The following SNTG1 variants were observed in gnomAD, a reference collection of about 807,000 sequenced individuals.
SNTG1 encodes the protein gamma-1-syntrophin.
In SNTG1, 39 loss-of-function variants were observed where a neutral mutation model predicts 74.7. That is an observed-to-expected ratio of 0.52 (90% CI 0.40 to 0.68). The LOEUF (loss-of-function observed/expected upper bound fraction) is 0.68. Ranked by LOEUF, SNTG1 falls within the 30% of genes least tolerant of loss-of-function variation. The pLI is 0.00. For synonymous variants in SNTG1, 254 were observed against 217.1 expected, an observed-to-expected ratio of 1.17 and a Z score of -1.49; for missense variants, 685 against 609.5, an observed-to-expected ratio of 1.12 and a Z score of -1.30.
intron 1 of SNTG1, among the ~76,000 whole-genome samples, chr8:49,967,561 CTT>C (rs1190314059): frequency 6.8e-6 from 1 of 147,416 alleles, no homozygotes; most frequent in African/African-American, 2.5e-5. Flanking sequence ...AATATATAAA[CTT>C]TGTTTTAATT....
intron 2 of SNTG1, among the ~76,000 whole-genome samples, chr8:50,348,752 T>C (rs926781440): frequency 6.6e-6 from 1 of 152,206 alleles, no homozygotes; most frequent in African/African-American, 2.4e-5. Context: ...GACAAGCTGT[T>C]CTTACACTGA....
chr8:50,708,927 A>G lies in SNTG1; in HGVS notation c.1233A>G (p.Gly411=). ...GTGTGCTAGAAAGTCATCTAATGGGACTCACAATTGATTTCAGCACAGGAT... is the reference window on the plus strand; with the variant it reads ...GTGTGCTAGAAAGTCATCTAATGGGGCTCACAATTGATTTCAGCACAGGAT... ...YACVLESHLM[G]LTIDFSTGFI... is the part of the protein sequence containing the mutation. Residue 411 remains glycine (G), a synonymous_variant, in exon 17 of 19, where the codon GGA becomes GGG. Transcript: ENST00000642720. The G allele has an allele frequency of 1.2e-6, 2 of 1,613,898 alleles. No homozygotes were observed. The highest frequency in any genetic ancestry group is 8.5e-7 in the Non-Finnish European group (1 of 1,179,914).
At chr8:50,251,210 A>G (rs2086632608) in intron 2 of SNTG1, among the ~76,000 whole-genome samples, 1 of 152,046 alleles carries the variant, frequency 6.6e-6, no homozygotes, top group Non-Finnish European at 1.5e-5. Flanking sequence ...ACACACACAC[A>G]GACAAAATTA....
At chr8:49,969,769 T>A (rs900394969) in intron 1 of SNTG1, among the ~76,000 whole-genome samples, 117 of 152,250 alleles carry the variant, frequency 7.7e-4, no homozygotes, top group Non-Finnish European at 2.9e-4. Flanking sequence ...AGAAGAGAGA[T>A]ACCCTCACTG....
intron 2 of SNTG1, among the ~76,000 whole-genome samples, chr8:50,286,093 TC>T (rs1287919181): frequency 1.3e-5 from 2 of 151,600 alleles, no homozygotes; most frequent in Non-Finnish European, 3.0e-5. Context: ...ATGTATAACT[TC>T]TCTTTTTCCT....
At chr8:50,212,565 G>T (rs1286202327) in intron 2 of SNTG1, among the ~76,000 whole-genome samples, 1 of 152,030 alleles carries the variant, frequency 6.6e-6, no homozygotes, top group Non-Finnish European at 1.5e-5. Flanking sequence ...AGATGAGCAA[G>T]AAAATAAAAA....
At chr8:49,943,674 C>A (rs188250294) in intron 1 of SNTG1, among the ~76,000 whole-genome samples, 2 of 152,342 alleles carry the variant, frequency 1.3e-5, no homozygotes, top group Admixed American at 1.3e-4. Flanking sequence ...GTGAGCCCCA[C>A]ATTAATATAA....
intron 2 of SNTG1, among the ~76,000 whole-genome samples, chr8:50,256,000 C>T (rs1415616855): frequency 6.6e-6 from 1 of 152,184 alleles, no homozygotes; most frequent in African/African-American, 2.4e-5. Flanking sequence ...ACCACCTCTT[C>T]CATTAGCCCT....
At chr8:50,374,765 A>T (rs956072004) in intron 2 of SNTG1, among the ~76,000 whole-genome samples, 3 of 152,220 alleles carry the variant, frequency 2.0e-5, no homozygotes, top group African/African-American at 7.2e-5. Context: ...TCTACACAGC[A>T]TTTAGATGAA....
intron 11 of SNTG1, 107 bp from the exon 12 acceptor site, chr8:50,552,943 T>A (rs1478473773): frequency 7.5e-7 from 1 of 1,327,440 alleles, no homozygotes; most frequent in Non-Finnish European, 1.0e-6. Flanking sequence ...ATTTGGAGGC[T>A]GATATTTATA....
intron 1 of SNTG1, among the ~76,000 whole-genome samples, chr8:50,101,244 A>C (rs1411535585): frequency 6.6e-6 from 1 of 152,090 alleles, no homozygotes; most frequent in Non-Finnish European, 1.5e-5. Flanking sequence ...ATGAACATAC[A>C]CATGCGTCTG....
chr8:49,966,290 A>T (rs1253585804), intron 1 of SNTG1, among the ~76,000 whole-genome samples: 1 of 151,990 alleles, frequency 6.6e-6, no homozygotes, highest in Non-Finnish European at 1.5e-5. Flanking sequence ...AAATTTGTTG[A>T]TTTGTACGGG....
At chr8:50,467,721 GAGAGCTT>G (rs1396251658) in intron 8 of SNTG1, among the ~76,000 whole-genome samples, 2 of 151,690 alleles carry the variant, frequency 1.3e-5, no homozygotes, top group African/African-American at 2.4e-5. Flanking sequence ...TCTGTATTGT[GAGAGCTT>G]AGATCATTGA....
intron 1 of SNTG1, among the ~76,000 whole-genome samples, chr8:50,113,650 C>T (rs1308187428): frequency 6.6e-6 from 1 of 152,144 alleles, no homozygotes; most frequent in Non-Finnish European, 1.5e-5. Context: ...GAGGGCATCC[C>T]TGTCTTGTGC....
intron 15 of SNTG1, among the ~76,000 whole-genome samples, chr8:50,688,903 C>T (rs7002119): frequency 0.33 from 50,510 of 151,494 alleles, 10,915 homozygotes; most frequent in African/African-American, 0.61. Context: ...GGAATGTTCT[C>T]CCATTTGTTT....
At chr8:50,620,264 T>G (rs1563656238) in intron 13 of SNTG1, among the ~76,000 whole-genome samples, 2 of 152,100 alleles carry the variant, frequency 1.3e-5, no homozygotes, top group Admixed American at 6.6e-5. Flanking sequence ...TGACGTGGGG[T>G]GAGTCCGTCT....
At chr8:50,421,706 C>G (rs2093089876) in intron 4 of SNTG1, among the ~76,000 whole-genome samples, 1 of 152,090 alleles carries the variant, frequency 6.6e-6, no homozygotes, top group Non-Finnish European at 1.5e-5. Context: ...GTGTGAGGAC[C>G]ATAGGCTCTT....
intron 9 of SNTG1, among the ~76,000 whole-genome samples, chr8:50,517,490 A>C (rs1467505560): frequency 6.6e-6 from 1 of 152,162 alleles, no homozygotes; most frequent in African/African-American, 2.4e-5. Flanking sequence ...AAAGATACAG[A>C]CTAGCAAATT....
rs184658734 is a variant in SNTG1 at position 50,407,577 on chromosome 8, A to C, written c.162+5233A>C. Among the ~76,000 whole-genome samples the C allele has an allele frequency of 2.0e-5, 3 of 152,348 alleles. No homozygotes were observed. The East Asian group carries it at 5.8e-4, about 29-fold the overall frequency. On this transcript the variant is annotated intron_variant, in intron 4 of 18. Coordinates refer to ENST00000642720, the MANE Select transcript of SNTG1 (RefSeq NM_018967.5). The stretch of plus-strand genomic sequence containing the variant: ...ATCACATTAGCTGAAAGCTGCTTCT[A>C]GGATTGTCTTTGCCTGACACTTTTG...
Sources: gnomAD v4.1 joint callset for allele counts (sites outside exome capture counted in the v4.1 genomes callset) on GRCh38, gnomAD v4.1.1 for gene constraint, MANE v1.5 for transcripts, NCBI Gene and HGNC (gene_info 2026-07-23, HGNC 2026-07-21) for gene names.